The following KCNH2 variants were observed in gnomAD, a reference collection of about 807,000 sequenced individuals.
KCNH2 encodes voltage-gated inwardly rectifying potassium channel KCNH2.
In KCNH2, 35 loss-of-function variants were observed where a neutral mutation model predicts 95.9. That is an observed-to-expected ratio of 0.37 (90% CI 0.28 to 0.48). The LOEUF is 0.48. Ranked by LOEUF, KCNH2 falls within the 20% of genes least tolerant of loss-of-function variation. The probability of loss-of-function intolerance (pLI) is 0.99; values close to 1 mark genes in which losing one functional copy is unlikely to be tolerated. For synonymous variants in KCNH2, 786 were observed against 754.7 expected, an observed-to-expected ratio of 1.04 and a Z score of -0.68; for missense variants, 1,274 against 1,702.9, an observed-to-expected ratio of 0.75 and a Z score of 4.43.
At chr7:150,955,816 TCCTCCAG>T (rs1177330003) in intron 5 of KCNH2, 1 of 1,121,760 alleles carries the variant, frequency 8.9e-7, no homozygotes, top group Non-Finnish European at 1.1e-6. Flanking sequence ...GAACCTCAGC[TCCTCCAG>T]CCGGCCCCTC....
chr7:150,950,298 C>T lies in KCNH2; in HGVS notation c.2268G>A (p.Met756Ile), dbSNP rs776562914. ...ATKGCLRALAMKFKTTHAPPG... is the reference protein window; with the variant it reads ...ATKGCLRALAIKFKTTHAPPG... ...GCGGTGCATGTGTGGTCTTGAACTT[C>T]ATGGCCAGGGCCCGAAGGCAGCCCT... is the stretch of plus-strand genomic sequence containing the variant. Residue 756 changes from methionine (M) to isoleucine (I), a missense_variant, in exon 9 of 15, where the codon ATG becomes ATA. Physicochemically the swap from Met to Ile is conservative, Grantham distance 10. Transcript: ENST00000262186. The T allele has an allele frequency of 6.2e-7, 1 of 1,613,906 alleles. No individual in the cohort carries two copies.
intron 2 of KCNH2, among the ~76,000 whole-genome samples, chr7:150,960,368 A>G (rs994656169): frequency 2.6e-5 from 4 of 152,256 alleles, no homozygotes; most frequent in Admixed American, 2.0e-4. Context: ...CATAATGTAT[A>G]TAATTCTTTT....
rs1156510876 is a variant in KCNH2, at chr7:150,977,882, T to C, written c.32A>G (p.Gln11Arg). 2 of 1,589,176 alleles carry C rather than the reference T, an allele frequency of 1.3e-6. No homozygotes were observed. Among genetic ancestry groups the C allele is most frequent in the East Asian group, 2.3e-5 (1 of 42,878 alleles). MPVRRGHVAP[Q>R]NTFLDTIIRK... ...GATGATGGTGTCCAGGAAGGTGTTC[T>C]GCGGCGCGACGTGGCCCCTCCGCAC... is the stretch of plus-strand genomic sequence containing the variant. The change falls in exon 1 of 15, where the codon CAG (glutamine) becomes CGG (arginine). Residue 11 changes from glutamine (Q) to arginine (R), a missense_variant. This residue lies in a region of KCNH2 where 29 missense variants were observed against 25.2 expected (regional missense o/e 1.15). Transcript: ENST00000262186.
rs112705932 is a variant in KCNH2, at chr7:150,961,684, T to C, written c.308-1948A>G. On this transcript the variant is annotated intron_variant, in intron 2 of 14. Transcript: ENST00000262186. This position sits in a 1 kb window ranked among gnomAD's most constrained non-coding sequence, Gnocchi z 6.2. ...CCCACAGCAGGGGCGACAGTGGTGG[T>C]GCTGTGAGTCAAGGTAGAAGCCGGC... 0.011 allele frequency among the ~76,000 whole-genome samples: 1,638 copies of C among 152,082 alleles called. 17 individuals carry two copies. Among genetic ancestry groups the C allele is most frequent in the Middle Eastern group, 0.017 (5 of 294 alleles).
Position 150,958,402 on chromosome 7 carries a change from C to A in KCNH2, c.573G>T (p.Pro191=). Residue 191 remains proline, a synonymous_variant, in exon 4 of 15, where the codon CCG becomes CCT. Transcript: ENST00000262186. ...RSGGAGGAGA[P]GAVVVDVDLT... ...GGTCCACGTCCACCACCACGGCCCC[C>A]GGGGCGCCCGCGCCGCCCGCGCCGC... 6.9e-7 allele frequency: 1 copy of A among 1,450,630 alleles called. No individual in the cohort carries two copies. Among genetic ancestry groups the A allele is most frequent in the Admixed American group, 2.7e-5 (1 of 36,870 alleles). The allele number at this position is 1,450,630 out of a possible 1,614,324, so 89.9% of individuals were successfully genotyped here. A position where few individuals can be genotyped will look rare whatever the true frequency, so the allele number is the denominator to read the frequency against.
rs114056733 is a variant in KCNH2, at chr7:150,966,431, A to G, written c.308-6695T>C. ...CACAGGACACTGTGAAGCACCAACA[A>G]ACAAATACGAGTGCTAATGAAAAGC... On this transcript the variant is annotated intron_variant, in intron 2 of 14. Transcript: ENST00000262186. Among the ~76,000 whole-genome samples, 380 of 140,064 alleles carry G rather than the reference A, an allele frequency of 2.7e-3. 4 individuals are homozygous for G. Among genetic ancestry groups the G allele is most frequent in the African/African-American group, 9.6e-3 (365 of 37,852 alleles). 91.9% of individuals were successfully genotyped at this position (140,064 alleles called of 152,430 possible). A position where few individuals can be genotyped will look rare whatever the true frequency, so the allele number is the denominator to read the frequency against.
rs1563194227 is a variant in KCNH2, at chr7:150,978,294, T to TGCGGC, written c.-386_-382dup. The TGCGGC allele has an allele frequency of 7.0e-6, 1 of 143,638 alleles. No homozygotes were observed. Among genetic ancestry groups the TGCGGC allele is most frequent in the African/African-American group, 2.5e-5 (1 of 39,584 alleles). The allele number at this position is 143,638 out of a possible 1,614,324, so 8.9% of individuals were successfully genotyped here. A position where few individuals can be genotyped will look rare whatever the true frequency, so the allele number is the denominator to read the frequency against. Reference sequence around the variant, plus strand: ...CAGCGCCCGCGGCTCGGGCAGCGCCTGCGGCTCGGCCCGGCCGCGGAAGGG... The same window carrying TGCGGC: ...CAGCGCCCGCGGCTCGGGCAGCGCCTGCGGCGCGGCTCGGCCCGGCCGCGGAAGGG... On this transcript the variant is annotated 5_prime_UTR_variant, in exon 1 of 15. Coordinates refer to ENST00000262186, the MANE Select transcript of KCNH2 (RefSeq NM_000238.4).
rs1250573677 is a variant in KCNH2 at position 150,962,520 on chromosome 7, C to A, written c.308-2784G>T. On this transcript the variant is annotated intron_variant, in intron 2 of 14. Coordinates refer to ENST00000262186, the MANE Select transcript of KCNH2 (RefSeq NM_000238.4). This position sits in a 1 kb window ranked among gnomAD's most constrained non-coding sequence, Gnocchi z 5.7. ...AATGGCATTCTGAAGCCCACCCAGTCCAGGACCCCACATCTCAAAATCCCC... is the reference window on the plus strand; with the variant it reads ...AATGGCATTCTGAAGCCCACCCAGTACAGGACCCCACATCTCAAAATCCCC... Among the ~76,000 whole-genome samples, 1 of 152,052 alleles carries A rather than the reference C, an allele frequency of 6.6e-6. No individual in the cohort carries two copies. Among genetic ancestry groups the A allele is most frequent in the Non-Finnish European group, 1.5e-5 (1 of 68,034 alleles).
At chr7:150,957,200 C>T (rs1801402075) in intron 5 of KCNH2, 91 bp downstream of exon 5, 4 of 1,107,070 alleles carry the variant, frequency 3.6e-6, no homozygotes, top group South Asian at 1.3e-5. Context: ...ACTGGCTAGC[C>T]CCCTCCACCC....
intron 5 of KCNH2, among the ~76,000 whole-genome samples, chr7:150,953,996 C>T (rs1801277572): frequency 6.6e-6 from 1 of 152,256 alleles, no homozygotes; most frequent in Non-Finnish European, 1.5e-5. Flanking sequence ...GACACCTTCA[C>T]AGATGGCGCT....
intron 13 of KCNH2, 123 bp from the exon 14 acceptor site, chr7:150,947,177 A>G (rs1800927871): frequency 9.1e-7 from 1 of 1,097,922 alleles, no homozygotes; most frequent in African/African-American, 1.6e-5. Context: ...TCCGCGCTAG[A>G]GGTGTGGCAG....
chr7:150,947,543 C>T (rs756892205), intron 12 of KCNH2, 29 bp from the exon 13 acceptor site: 16 of 1,600,470 alleles, frequency 1.0e-5, no homozygotes, highest in Admixed American at 3.4e-5. Context: ...GCTGGGTGAG[C>T]GGGGTAGACG....
At position 150,961,623 on chromosome 7, in the gene KCNH2, G is replaced by A. The variant is rs1245786685; in HGVS notation, c.308-1887C>T. Among the ~76,000 whole-genome samples, 1 of 152,098 alleles carries A rather than the reference G, an allele frequency of 6.6e-6. No homozygotes were observed. The highest frequency in any genetic ancestry group is 1.5e-5 in the Non-Finnish European group (1 of 67,994). On this transcript the variant is annotated intron_variant, in intron 2 of 14. Coordinates refer to ENST00000262186, the MANE Select transcript of KCNH2 (RefSeq NM_000238.4). The surrounding 1 kb of genome is among the most constrained non-coding windows in gnomAD (Gnocchi z 6.2). ...CCTCTCCTCACCTTTCTACCTCCTA[G>A]AGCCTCCCTGGCTCACCCCTACTCC...
At chr7:150,966,101 G>A (rs188130665) in intron 2 of KCNH2, among the ~76,000 whole-genome samples, 47 of 152,368 alleles carry the variant, frequency 3.1e-4, no homozygotes, top group African/African-American at 1.1e-3. Flanking sequence ...CCAGGTGTGA[G>A]ACTTCTGAGC....
rs975065591 is a variant in KCNH2, at chr7:150,946,197, G to A, written c.3330+680C>T. 2.6e-5 allele frequency among the ~76,000 whole-genome samples: 4 copies of A among 151,710 alleles called. No individual in the cohort carries two copies. Among genetic ancestry groups the A allele is most frequent in the Non-Finnish European group, 5.9e-5 (4 of 67,858 alleles). Reference sequence around the variant, plus strand: ...CCAGAGGAGTCCCCACCATGGACGCGGAGGTTGACACAGACACCGCCATCC... The same window carrying A: ...CCAGAGGAGTCCCCACCATGGACGCAGAGGTTGACACAGACACCGCCATCC... On this transcript the variant is annotated intron_variant, in intron 14 of 14. Transcript: ENST00000262186. The surrounding 1 kb of genome is among the most constrained non-coding windows in gnomAD (Gnocchi z 6.5).
At chr7:150,969,230 A>G (rs1354451674) in intron 2 of KCNH2, among the ~76,000 whole-genome samples, 5 of 152,174 alleles carry the variant, frequency 3.3e-5, no homozygotes, top group African/African-American at 1.2e-4. Context: ...AGCCTTTCTA[A>G]GCAAGAGCTT....
intron 5 of KCNH2, among the ~76,000 whole-genome samples, chr7:150,956,506 C>T (rs41314399): frequency 1.3e-5 from 2 of 151,966 alleles, no homozygotes; most frequent in African/African-American, 4.8e-5. Context: ...ACCCACCCAC[C>T]CCCAGCCCCC....
At position 150,950,933 on chromosome 7, in the gene KCNH2, G is replaced by A. The variant is rs562349092; in HGVS notation, c.2133C>T (p.Ile711=). Residue 711 remains isoleucine, a synonymous_variant, in exon 8 of 15, where the codon ATC becomes ATT. Coordinates refer to ENST00000262186, the MANE Select transcript of KCNH2 (RefSeq NM_000238.4). The stretch of plus-strand genomic sequence containing the variant: ...CTGGTGGCCTCACCGCGTTCATGTC[G>A]ATGCCGTTGGTGTAGGACCAGGCGT... ...FQHAWSYTNG[I]DMNAVLKGFP... 1.1e-4 allele frequency: 185 copies of A among 1,614,138 alleles called. 2 individuals carry two copies. In the South Asian group the frequency reaches 1.7e-3, roughly 14 times the overall value.
rs1427334865 is a variant in KCNH2 at position 150,961,582 on chromosome 7, G to A, written c.308-1846C>T. Among the ~76,000 whole-genome samples, 1 of 152,058 alleles carries A rather than the reference G, an allele frequency of 6.6e-6. No individual in the cohort carries two copies. On this transcript the variant is annotated intron_variant, in intron 2 of 14. Coordinates refer to ENST00000262186, the MANE Select transcript of KCNH2 (RefSeq NM_000238.4). This position sits in a 1 kb window ranked among gnomAD's most constrained non-coding sequence, Gnocchi z 6.2. ...CCCAAAGTGCAAGGATTACAGGTGT[G>A]AGCCACCGCACCCAGCCTCTCCTCA... is the stretch of plus-strand genomic sequence containing the variant.
Sources: allele counts gnomAD v4.1 joint callset (sites outside exome capture counted in the v4.1 genomes callset), GRCh38; gene constraint gnomAD v4.1.1; regional missense constraint gnomAD v4.1.1; non-coding constraint Gnocchi (gnomAD v3.1); transcripts MANE v1.5; gene names NCBI Gene and HGNC (gene_info 2026-07-23, HGNC 2026-07-21).